Variants in SLC24A2 observed in about 807,000 individuals in gnomAD.
The protein encoded by SLC24A2 is sodium/potassium/calcium exchanger 2.
SLC24A2 carries 36 observed loss-of-function variants against 62.0 expected under a neutral mutation model. The observed-to-expected ratio is 0.58, with a 90% CI of 0.44 to 0.77. The LOEUF (loss-of-function observed/expected upper bound fraction) is 0.77. Among genes scored for constraint, SLC24A2 ranks in the 30% least tolerant of loss-of-function variants. The pLI, the probability that SLC24A2 is intolerant of heterozygous loss-of-function variation, is 0.00. For synonymous variants in SLC24A2, 358 were observed against 294.0 expected (o/e 1.22, Z -2.23); for missense variants, 846 against 817.9 (o/e 1.03, Z -0.42).
At position 19,786,519 on chromosome 9, in the gene SLC24A2, G is replaced by T; in HGVS notation, c.348C>A (p.Ala116=). The change falls in exon 2 of 11, where the codon GCC becomes GCA. Residue 116 remains alanine, a synonymous_variant. Coordinates refer to ENST00000341998, the MANE Select transcript of SLC24A2 (RefSeq NM_020344.4). The surrounding 1 kb of genome is among the most constrained non-coding windows in gnomAD (Gnocchi z 5.0). ...AGATGTCTTTCGGGTAGTCTCCTTG[G>T]GCGTGATCTGTACTATTCTCAGACT... ...EGESENSTDH[A]QGDYPKDIFS... 2 of 1,614,120 alleles carry T rather than the reference G, an allele frequency of 1.2e-6. No individual in the cohort carries two copies. The highest frequency in any genetic ancestry group is 1.7e-6 in the Non-Finnish European group (2 of 1,180,014).
intron 2 of SLC24A2, among the ~76,000 whole-genome samples, chr9:19,697,245 G>C (rs1351310767): frequency 6.6e-6 from 1 of 152,056 alleles, no homozygotes; most frequent in Non-Finnish European, 1.5e-5. Context: ...AGAACATATG[G>C]ACACATGGTG....
At chr9:19,697,082 A>G (rs1401618136) in intron 2 of SLC24A2, among the ~76,000 whole-genome samples, 1 of 152,212 alleles carries the variant, frequency 6.6e-6, no homozygotes, top group Non-Finnish European at 1.5e-5. Flanking sequence ...TTTAGCAGTT[A>G]TGATCCACAA....
chr9:20,225,179 G>C, the SLC24A2 span, among the ~76,000 whole-genome samples: 1 of 152,018 alleles, frequency 6.6e-6, no homozygotes, highest in African/African-American at 2.4e-5. Context: ...ATTTTTAAGT[G>C]CTTGTGTATG....
the SLC24A2 span, among the ~76,000 whole-genome samples, chr9:20,135,140 G>T: frequency 6.6e-6 from 1 of 152,126 alleles, no homozygotes; most frequent in Non-Finnish European, 1.5e-5. Flanking sequence ...TTGCAGCCTG[G>T]TGGAGAAGAC....
At chr9:19,772,946 A>C (rs1822733735) in intron 2 of SLC24A2, among the ~76,000 whole-genome samples, 1 of 152,210 alleles carries the variant, frequency 6.6e-6, no homozygotes, top group African/African-American at 2.4e-5. Flanking sequence ...ATCTAAATTC[A>C]TTCACCAACT....
At position 19,576,274 on chromosome 9, in the gene SLC24A2, T is replaced by A. The variant is rs528287301; in HGVS notation, c.1228+650A>T. ...GTTTGAATTTAGAATAAGAGAGCTATATTATAGTTACAGACAGGAGAGAAG... is the reference window on the plus strand; with the variant it reads ...GTTTGAATTTAGAATAAGAGAGCTAAATTATAGTTACAGACAGGAGAGAAG... On this transcript the variant is annotated intron_variant, in intron 6 of 10. Transcript: ENST00000341998. 6.6e-5 allele frequency among the ~76,000 whole-genome samples: 10 copies of A among 152,326 alleles called. No homozygotes were observed. In the South Asian group the frequency reaches 2.1e-3, roughly 32 times the overall value.
the SLC24A2 span, among the ~76,000 whole-genome samples, chr9:20,138,125 C>T: frequency 6.6e-5 from 10 of 152,168 alleles, no homozygotes; most frequent in African/African-American, 2.2e-4. Flanking sequence ...TTAATCCTAA[C>T]CTCTATACAC....
chr9:19,692,097 A>G (rs556393235), intron 2 of SLC24A2, among the ~76,000 whole-genome samples: 283 of 152,296 alleles, frequency 1.9e-3, no homozygotes, highest in African/African-American at 6.6e-3. Context: ...GCATTAACCT[A>G]TCTGTAAAAG....
At position 19,521,022 on chromosome 9, in the gene SLC24A2, G is replaced by C; in HGVS notation, c.1608C>G (p.Gly536=). 6.2e-7 allele frequency: 1 copy of C among 1,614,060 alleles called. No individual in the cohort carries two copies. Among genetic ancestry groups the C allele is most frequent in the East Asian group, 2.2e-5 (1 of 44,862 alleles). The change falls in exon 10 of 11, where the codon GGC becomes GGG. Residue 536 remains glycine, a synonymous_variant. Coordinates refer to ENST00000341998, the MANE Select transcript of SLC24A2 (RefSeq NM_020344.4). ...ETIGISEEIM[G]LTILAAGTSI... ...AGGTCCCAGCAGCCAAGATGGTCAG[G>C]CCCATAATCTCTTCACTGATGCCAA...
At chr9:20,163,941 G>A in the SLC24A2 span, among the ~76,000 whole-genome samples, 2 of 152,140 alleles carry the variant, frequency 1.3e-5, no homozygotes, top group African/African-American at 4.8e-5. Flanking sequence ...GGAGAAAGCT[G>A]AAACTGGATC....
chr9:19,807,987 A>ACTT, the SLC24A2 span, among the ~76,000 whole-genome samples: 1 of 152,224 alleles, frequency 6.6e-6, no homozygotes, highest in Non-Finnish European at 1.5e-5. Context: ...TTCAGAGAAG[A>ACTT]CTTATAGAGC....
the SLC24A2 span, among the ~76,000 whole-genome samples, chr9:20,058,521 A>ACACACAC: frequency 1.3e-5 from 2 of 151,706 alleles, no homozygotes; most frequent in Non-Finnish European, 1.5e-5. Context: ...ACACACACAC[A>ACACACAC]AATATTTGGG....
chr9:19,721,875 C>T lies in SLC24A2; in HGVS notation c.930+64062G>A, dbSNP rs191969786. Among the ~76,000 whole-genome samples, 10 of 152,220 alleles carry T rather than the reference C, an allele frequency of 6.6e-5. No individual in the cohort carries two copies. The East Asian group carries it at 1.3e-3, about 21-fold the overall frequency. ...AACGTTGTCATTATTCTTCACATAA[C>T]TGAAAAGTCACTAAATTAGTGAGGT... On this transcript the variant is annotated intron_variant, in intron 2 of 10. Transcript: ENST00000341998.
the SLC24A2 span, among the ~76,000 whole-genome samples, chr9:20,034,443 C>G: frequency 6.8e-6 from 1 of 147,462 alleles, no homozygotes; most frequent in Non-Finnish European, 1.5e-5. Context: ...AACACTCTGG[C>G]CTTTTAAGTT....
At chr9:19,788,747 CG>C (rs1241676646) in intron 1 of SLC24A2, 137 bp downstream of exon 1, 2 of 985,414 alleles carry the variant, frequency 2.0e-6, no homozygotes, top group East Asian at 2.3e-4. Context: ...TAACTCCTAG[CG>C]GGGCCTGGGG....
chr9:20,191,527 T>C, the SLC24A2 span, among the ~76,000 whole-genome samples: 1 of 152,028 alleles, frequency 6.6e-6, no homozygotes, highest in East Asian at 1.9e-4. Flanking sequence ...CGACAGTATC[T>C]GGAGAAACTA....
intron 8 of SLC24A2, among the ~76,000 whole-genome samples, chr9:19,543,673 T>A (rs1834397278): frequency 6.6e-6 from 1 of 152,208 alleles, no homozygotes; most frequent in African/African-American, 2.4e-5. Context: ...GTTTCTGCCT[T>A]CATTTCGTTT....
chr9:19,999,549 A>G, the SLC24A2 span, among the ~76,000 whole-genome samples: 291 of 152,336 alleles, frequency 1.9e-3, 1 homozygote, highest in African/African-American at 6.9e-3. Context: ...AGTAAACTCT[A>G]TATTTCATCC....
intron 8 of SLC24A2, among the ~76,000 whole-genome samples, chr9:19,547,374 GCT>G (rs1040920303): frequency 2.0e-5 from 3 of 152,200 alleles, no homozygotes; most frequent in Non-Finnish European, 2.9e-5. Context: ...ACTGGGGACA[GCT>G]CTGTTTTCTT....
Sources: allele counts gnomAD v4.1 joint callset (sites outside exome capture counted in the v4.1 genomes callset), GRCh38; gene constraint gnomAD v4.1.1; non-coding constraint Gnocchi (gnomAD v3.1); transcripts MANE v1.5; gene names NCBI Gene and HGNC (gene_info 2026-07-23, HGNC 2026-07-21).